The following COPG2 variants were observed in gnomAD, a reference collection of about 807,000 sequenced individuals.
COPG2 encodes the protein coat protein complex I subunit gamma 2.
A neutral mutation model predicts 46.3 loss-of-function variants in COPG2; 37 were observed. That is an observed-to-expected ratio of 0.80 (90% CI 0.61 to 1.05). The LOEUF (loss-of-function observed/expected upper bound fraction) is 1.05. COPG2 is among the 50% of genes least tolerant of loss of function. The probability of loss-of-function intolerance (pLI) is 0.00; values close to 1 mark genes in which losing one functional copy is unlikely to be tolerated. For synonymous variants in COPG2, 159 were observed against 129.7 expected, an observed-to-expected ratio of 1.23 and a Z score of -1.53; for missense variants, 427 against 387.8, an observed-to-expected ratio of 1.10 and a Z score of -0.85.
chr7:130,620,911 A>G (rs928918281), intron 5 of COPG2, among the ~76,000 whole-genome samples: 3 of 152,236 alleles, frequency 2.0e-5, no homozygotes, highest in African/African-American at 4.8e-5. Context: ...CCCCAAAGAC[A>G]TCAAAGTCCT....
chr7:130,513,307 AAATAT>A (rs1374171411), intron 20 of COPG2, among the ~76,000 whole-genome samples: 13 of 47,696 alleles, frequency 2.7e-4, no homozygotes, highest in Admixed American at 1.2e-3. Context: ...AAAAAAAAAA[AAATAT>A]ATATATATAT....
chr7:130,633,054 TC>T (rs1554455439), intron 5 of COPG2, among the ~76,000 whole-genome samples: 1 of 152,212 alleles, frequency 6.6e-6, no homozygotes, highest in Non-Finnish European at 1.5e-5. Flanking sequence ...TTTATCCATG[TC>T]CCTGCAAAGG....
chr7:130,510,343 T>C (rs925162730), intron 20 of COPG2: 9 of 425,762 alleles, frequency 2.1e-5, no homozygotes, highest in African/African-American at 1.6e-4. Context: ...TAGGATAGGA[T>C]TTTCTTCAGA....
intron 5 of COPG2, among the ~76,000 whole-genome samples, chr7:130,623,591 C>T (rs1672959531): frequency 6.6e-6 from 1 of 152,160 alleles, no homozygotes; most frequent in African/African-American, 2.4e-5. Flanking sequence ...TTAGTACCAA[C>T]CTGCCTAACT....
intron 4 of COPG2, among the ~76,000 whole-genome samples, chr7:130,658,508 C>G (rs1178700022): frequency 1.3e-5 from 2 of 151,680 alleles, no homozygotes; most frequent in Admixed American, 1.3e-4. Context: ...TAGAATGATA[C>G]CCTAAAAAGG....
chr7:130,564,072 A>G (rs1400248674), intron 10 of COPG2, among the ~76,000 whole-genome samples, 188 bp downstream of exon 10: 1 of 152,214 alleles, frequency 6.6e-6, no homozygotes, highest in African/African-American at 2.4e-5. Flanking sequence ...AAATAGAAAC[A>G]TTAAAAAAAG....
intron 20 of COPG2, among the ~76,000 whole-genome samples, chr7:130,531,857 C>T (rs1222184919): frequency 1.4e-5 from 2 of 145,800 alleles, no homozygotes; most frequent in East Asian, 2.2e-4. Flanking sequence ...GGGTTTCACC[C>T]GAGGGAGGGC....
At chr7:130,528,534 A>C (rs1054353612) in intron 20 of COPG2, among the ~76,000 whole-genome samples, 78 of 152,208 alleles carry the variant, frequency 5.1e-4, no homozygotes, top group African/African-American at 1.6e-3. Context: ...GAGATCACGA[A>C]TTAGGCCAGT....
At chr7:130,585,061 A>T (rs1794237667) in intron 9 of COPG2, among the ~76,000 whole-genome samples, 2 of 152,074 alleles carry the variant, frequency 1.3e-5, no homozygotes, top group South Asian at 4.2e-4. Context: ...ACCTGATTTC[A>T]AATTATACTA....
intron 12 of COPG2, among the ~76,000 whole-genome samples, chr7:130,558,819 G>A (rs1584973247): frequency 1.3e-5 from 2 of 152,170 alleles, no homozygotes; most frequent in Non-Finnish European, 2.9e-5. Flanking sequence ...ACCACACCTG[G>A]CTTTAAATAG....
intron 10 of COPG2, 87 bp downstream of exon 10, chr7:130,564,173 A>T: frequency 2.5e-6 from 1 of 398,296 alleles, no homozygotes; most frequent in East Asian, 3.6e-5. Flanking sequence ...TGTTCAGAAA[A>T]CATTCTTAAT....
In COPG2 at chr7:130,588,416, A is replaced by G. The variant is rs573436055; in HGVS notation, c.737+22537T>C. Among the ~76,000 whole-genome samples, 3 of 152,094 alleles carry G rather than the reference A, an allele frequency of 2.0e-5. No individual in the cohort carries two copies. The East Asian group carries it at 5.8e-4, about 29-fold the overall frequency. On this transcript the variant is annotated intron_variant, in intron 9 of 23. Transcript: ENST00000425248. Reference sequence around the variant, plus strand: ...CAACCCAAATGTCCAACAATGATAGACCGGATTAAGAAAATGTGGCCCATA... The same window carrying G: ...CAACCCAAATGTCCAACAATGATAGGCCGGATTAAGAAAATGTGGCCCATA...
rs182560786 is a variant in COPG2, at chr7:130,506,628, C to T, written c.*48G>A. ...GAAACTGATGCCACTAGCCTAAAAG[C>T]CCACTGACCATGTAGTGTGCATCAG... On this transcript the variant is annotated 3_prime_UTR_variant, in exon 24 of 24. Coordinates refer to ENST00000425248, the MANE Select transcript of COPG2 (RefSeq NM_012133.6). 1.4e-6 allele frequency: 1 copy of T among 712,632 alleles called. No individual in the cohort carries two copies. Among genetic ancestry groups the T allele is most frequent in the Non-Finnish European group, 2.6e-6 (1 of 384,522 alleles). The allele number at this position is 712,632 out of a possible 1,614,324, so 44.1% of individuals were successfully genotyped here. A position where few individuals can be genotyped will look rare whatever the true frequency, so the allele number is the denominator to read the frequency against.
chr7:130,538,960 G>A (rs1799910239), intron 20 of COPG2, among the ~76,000 whole-genome samples: 1 of 152,110 alleles, frequency 6.6e-6, no homozygotes, highest in South Asian at 2.1e-4. Flanking sequence ...AGTAGTAAAT[G>A]GGCACAGTGG....
intron 9 of COPG2, among the ~76,000 whole-genome samples, chr7:130,575,159 G>A (rs1554446032): frequency 2.6e-5 from 4 of 152,120 alleles, no homozygotes; most frequent in Non-Finnish European, 5.9e-5. Context: ...AATTTCCCCG[G>A]CCTTGCAAGA....
In COPG2 at chr7:130,547,496, A is replaced by G. The variant is rs1262695492; in HGVS notation, c.2149+178T>C. The G allele has an allele frequency of 2.9e-4, 116 of 395,554 alleles. No homozygotes were observed. The East Asian group carries it at 4.1e-3, about 14-fold the overall frequency. The allele number at this position is 395,554 out of a possible 1,614,324, so 24.5% of individuals were successfully genotyped here. On this transcript the variant is annotated intron_variant, in intron 20 of 23. Coordinates refer to ENST00000425248, the MANE Select transcript of COPG2 (RefSeq NM_012133.6). ...TTAGTTTTAAAATTAATATTTCTGC[A>G]GCAGTAAACCATTTTATAAATATAT...
intron 9 of COPG2, among the ~76,000 whole-genome samples, chr7:130,607,103 T>C (rs1258326452): frequency 6.6e-6 from 1 of 151,820 alleles, no homozygotes; most frequent in Non-Finnish European, 1.5e-5. Context: ...TAGCCAGGTG[T>C]GGTGGTGCAT....
At chr7:130,616,401 T>C (rs1412502283) in intron 6 of COPG2, among the ~76,000 whole-genome samples, 1 of 151,960 alleles carries the variant, frequency 6.6e-6, no homozygotes, top group Non-Finnish European at 1.5e-5. Flanking sequence ...CACAGAAGAA[T>C]AAAGTTTTCA....
At chr7:130,667,227 A>G (rs1195873512) in intron 2 of COPG2, among the ~76,000 whole-genome samples, 1 of 152,242 alleles carries the variant, frequency 6.6e-6, no homozygotes, top group Non-Finnish European at 1.5e-5. Context: ...ACTGATTTCA[A>G]TAACCTTGCA....
Sources: allele counts gnomAD v4.1 joint callset (sites outside exome capture counted in the v4.1 genomes callset), GRCh38; gene constraint gnomAD v4.1.1; transcripts MANE v1.5; gene names NCBI Gene and HGNC (gene_info 2026-07-23, HGNC 2026-07-21).